Variants in BLK observed in about 807,000 individuals in gnomAD.
The protein encoded by BLK is tyrosine-protein kinase Blk.
In BLK, 64 loss-of-function variants were observed where a neutral mutation model predicts 61.8. The observed-to-expected ratio is 1.03, with a 90% CI of 0.85 to 1.27. The LOEUF (loss-of-function observed/expected upper bound fraction) is 1.27, where lower values mean the gene tolerates loss of function less well. BLK is among the 50% of genes most tolerant of loss of function. The pLI is 0.00. For synonymous variants in BLK, 351 were observed against 272.0 expected (o/e 1.29, Z -2.86); for missense variants, 853 against 660.5 (o/e 1.29, Z -3.19).
intron 1 of BLK, among the ~76,000 whole-genome samples, chr8:11,535,839 A>T (rs2117403810): frequency 6.6e-6 from 1 of 152,354 alleles, no homozygotes; most frequent in South Asian, 2.1e-4. Context: ...AGGTAACTCT[A>T]TGTGTAAGAA....
At position 11,556,730 on chromosome 8, in the gene BLK, T is replaced by A. The variant is rs776580851; in HGVS notation, c.845T>A (p.Leu282Gln). The A allele has an allele frequency of 6.2e-7, 1 of 1,614,198 alleles. No homozygotes were observed. The highest frequency in any genetic ancestry group is 2.2e-5 in the East Asian group (1 of 44,880). The change falls in exon 9 of 13, where the codon CTG becomes CAG. Residue 282 changes from leucine to glutamine, a missense_variant. Physicochemically the swap from Leu to Gln is moderately radical, Grantham distance 113. Coordinates refer to ENST00000259089, the MANE Select transcript of BLK (RefSeq NM_001715.3). ...KEGTMSPEAF[L>Q]GEANVMKALQ... ...GGAACCATGTCTCCAGAAGCCTTTC[T>A]GGGTGAGGCCAACGTGATGAAGGCT...
At chr8:11,555,198 C>A in intron 7 of BLK, 134 bp from the exon 8 acceptor site, 1 of 1,202,550 alleles carries the variant, frequency 8.3e-7, no homozygotes. Context: ...TGTGCATGTG[C>A]AGGCGTGTGC....
intron 4 of BLK, among the ~76,000 whole-genome samples, chr8:11,548,420 A>T (rs1215344968): frequency 6.6e-6 from 1 of 152,148 alleles, no homozygotes; most frequent in Admixed American, 6.5e-5. Flanking sequence ...CTTGTCCTTT[A>T]TGCAGGCTGG....
intron 1 of BLK, among the ~76,000 whole-genome samples, chr8:11,540,871 A>G (rs1027964169): frequency 5.6e-5 from 8 of 142,738 alleles, no homozygotes; most frequent in Middle Eastern, 3.3e-3. Context: ...AAAAAAAAAA[A>G]GAGAGCTCCT....
intron 1 of BLK, among the ~76,000 whole-genome samples, chr8:11,521,821 C>A (rs1384586937): frequency 6.6e-6 from 1 of 152,214 alleles, no homozygotes; most frequent in Non-Finnish European, 1.5e-5. Flanking sequence ...TTCATTACTG[C>A]AGCTTTTAGT....
chr8:11,560,744 G>A (rs549691871), intron 10 of BLK: 54 of 417,048 alleles, frequency 1.3e-4, no homozygotes, highest in African/African-American at 1.1e-3. Context: ...GAGGTTCTTG[G>A]TCACAAATCA....
At chr8:11,548,006 G>C in intron 3 of BLK, 26 bp from the exon 4 acceptor site, 1 of 1,602,340 alleles carries the variant, frequency 6.2e-7, no homozygotes, top group South Asian at 1.1e-5. Context: ...CCTGAGTGGT[G>C]GTCATCTCTC....
intron 10 of BLK, 106 bp downstream of exon 10, chr8:11,558,144 A>G (rs1184358301): frequency 8.5e-7 from 1 of 1,179,788 alleles, no homozygotes; most frequent in Non-Finnish European, 1.2e-6. Context: ...AGGAGAAGTC[A>G]GGGGGTACTG....
intron 3 of BLK, among the ~76,000 whole-genome samples, chr8:11,547,343 G>A (rs1179028929): frequency 1.3e-5 from 2 of 152,254 alleles, no homozygotes; most frequent in Non-Finnish European, 2.9e-5. Context: ...ACCCGGGGAA[G>A]CTAAGTGCTC....
chr8:11,503,975 C>T (rs1393168097), intron 1 of BLK, among the ~76,000 whole-genome samples: 4 of 152,112 alleles, frequency 2.6e-5, no homozygotes, highest in African/African-American at 9.7e-5. Context: ...AGGGATCTAC[C>T]CTGGGGCTAA....
chr8:11,556,749 G>A lies in BLK; in HGVS notation c.864G>A (p.Met288Ile), dbSNP rs763814082. 6 of 1,614,236 alleles carry A rather than the reference G, an allele frequency of 3.7e-6. No individual in the cohort carries two copies. The highest frequency in any genetic ancestry group is 4.5e-5 in the East Asian group (2 of 44,884). ...PEAFLGEANVMKALQHERLVR... is the reference protein window; with the variant it reads ...PEAFLGEANVIKALQHERLVR... ...CCTTTCTGGGTGAGGCCAACGTGAT[G>A]AAGGCTCTGCAGCACGAGCGGCTGG... The change falls in exon 9 of 13, where the codon ATG becomes ATA. Residue 288 changes from methionine to isoleucine, a missense_variant. Physicochemically the swap from Met to Ile is conservative, Grantham distance 10 (BLOSUM62 1). Transcript: ENST00000259089.
chr8:11,550,112 G>T, intron 5 of BLK, 47 bp from the exon 6 acceptor site: 2 of 1,545,722 alleles, frequency 1.3e-6, no homozygotes, highest in Non-Finnish European at 8.9e-7. Flanking sequence ...GGAATACTCC[G>T]AGGAGCAGGG....
At chr8:11,554,925 G>A in intron 7 of BLK, 36 bp downstream of exon 7, 2 of 1,605,996 alleles carry the variant, frequency 1.2e-6, no homozygotes, top group Non-Finnish European at 1.7e-6. Flanking sequence ...AGGGACTTGT[G>A]CCAAGAGCCC....
rs774129378 is a variant in BLK, at chr8:11,561,283, C to T, written c.1030-19C>T. ...TGGAGGCCCCCAGGCTGTCCTTCAC[C>T]ATGTGCCTGTTCCCTCAGATTGCTG... is the stretch of plus-strand genomic sequence containing the variant. On this transcript the variant is annotated intron_variant, in intron 10 of 12. Transcript: ENST00000259089. 2.5e-6 allele frequency: 4 copies of T among 1,610,734 alleles called. No homozygotes were observed. Among genetic ancestry groups the T allele is most frequent in the Non-Finnish European group, 3.4e-6 (4 of 1,178,454 alleles).
In BLK at chr8:11,558,351, CA is replaced by C. The variant is rs1421919462; in HGVS notation, c.1029+314del. On this transcript the variant is annotated intron_variant, in intron 10 of 12. Transcript: ENST00000259089. The stretch of plus-strand genomic sequence containing the variant: ...GGGCGAATGAATGTCATGGGAAACA[CA>C]CAGAGTTAGCAAGAGTTCCATTGAA... The C allele has an allele frequency of 2.9e-5, 12 of 409,544 alleles. No homozygotes were observed. The Admixed American group carries it at 4.2e-4, about 14-fold the overall frequency. 25.4% of individuals were successfully genotyped at this position (409,544 alleles called of 1,614,324 possible).
At chr8:11,495,961 TA>T (rs993768408) in intron 1 of BLK, among the ~76,000 whole-genome samples, 7 of 152,082 alleles carry the variant, frequency 4.6e-5, no homozygotes, top group Non-Finnish European at 7.4e-5. Flanking sequence ...AATAAAGAGT[TA>T]AAAAAAATTA....
At chr8:11,516,868 A>T (rs1172776910) in intron 1 of BLK, among the ~76,000 whole-genome samples, 2 of 152,240 alleles carry the variant, frequency 1.3e-5, no homozygotes, top group Non-Finnish European at 2.9e-5. Flanking sequence ...GCCACTGAGC[A>T]ACACTGCTGT....
At chr8:11,561,173 C>G in intron 10 of BLK, 129 bp from the exon 11 acceptor site, 2 of 1,333,148 alleles carry the variant, frequency 1.5e-6, no homozygotes, top group Non-Finnish European at 1.0e-6. Flanking sequence ...ACACAGTCAC[C>G]TTTCTACTCC....
intron 1 of BLK, among the ~76,000 whole-genome samples, chr8:11,523,353 A>T (rs986143285): frequency 1.3e-5 from 2 of 152,158 alleles, no homozygotes; most frequent in East Asian, 1.9e-4. Flanking sequence ...CAGGTGTTTG[A>T]GTACAGCATG....
Sources: allele counts gnomAD v4.1 joint callset (sites outside exome capture counted in the v4.1 genomes callset), GRCh38; gene constraint gnomAD v4.1.1; transcripts MANE v1.5; gene names NCBI Gene and HGNC (gene_info 2026-07-23, HGNC 2026-07-21).